Variants in YEATS2 observed in about 807,000 individuals in gnomAD.
YEATS2 encodes the protein YEATS domain containing 2, also known as YEATS domain-containing protein 2.
Under a neutral mutation model 163.2 loss-of-function variants are expected in YEATS2, and 77 were observed. That is an observed-to-expected ratio of 0.47 (90% confidence interval 0.39 to 0.57). YEATS2 has a LOEUF of 0.57. Ranked by LOEUF, YEATS2 falls within the 20% of genes least tolerant of loss-of-function variation. The pLI, the probability that YEATS2 is intolerant of heterozygous loss-of-function variation, is 0.00. For synonymous variants in YEATS2, 631 were observed against 645.1 expected (o/e 0.98, Z 0.33); for missense variants, 1,549 against 1,729.8 (o/e 0.90, Z 1.85).
intron 8 of YEATS2, among the ~76,000 whole-genome samples, chr3:183,742,350 G>A (rs2109212861): frequency 6.6e-6 from 1 of 152,304 alleles, no homozygotes; most frequent in East Asian, 1.9e-4. Flanking sequence ...AGATGCCATT[G>A]AGAACATTTG....
chr3:183,730,960 A>G (rs1205242622), intron 7 of YEATS2, among the ~76,000 whole-genome samples: 1 of 152,164 alleles, frequency 6.6e-6, no homozygotes, highest in African/African-American at 2.4e-5. Flanking sequence ...GTGAAGTCAA[A>G]GAATAGTTGG....
At chr3:183,723,509 C>T (rs79815795) in intron 5 of YEATS2, among the ~76,000 whole-genome samples, 30 of 152,078 alleles carry the variant, frequency 2.0e-4, no homozygotes, top group African/African-American at 6.5e-4. Flanking sequence ...AAAGTTCATT[C>T]GTGAGGCTGC....
At chr3:183,700,265 A>G (rs1484356632) in intron 1 of YEATS2, among the ~76,000 whole-genome samples, 3 of 152,124 alleles carry the variant, frequency 2.0e-5, no homozygotes, top group African/African-American at 7.2e-5. Context: ...ACTGTGGGTT[A>G]TTTTTTATTA....
At chr3:183,781,341 G>A (rs910052268) in intron 19 of YEATS2, among the ~76,000 whole-genome samples, 5 of 152,180 alleles carry the variant, frequency 3.3e-5, no homozygotes, top group Non-Finnish European at 7.3e-5. Context: ...ATGTCTAAGG[G>A]TAGGAGAAGA....
intron 21 of YEATS2, among the ~76,000 whole-genome samples, chr3:183,795,455 ATTTTTTTTT>A (rs573338439): frequency 3.5e-4 from 28 of 79,936 alleles, no homozygotes; most frequent in African/African-American, 8.2e-4. Context: ...CACGGGACTA[ATTTTTTTTT>A]TTTTTTTTTT....
chr3:183,718,325 A>T (rs780590089), intron 3 of YEATS2, among the ~76,000 whole-genome samples, 175 bp from the exon 4 acceptor site: 2 of 152,178 alleles, frequency 1.3e-5, no homozygotes, highest in Non-Finnish European at 2.9e-5. Flanking sequence ...TCTTTCTCTT[A>T]AATCTTTGCG....
At chr3:183,734,806 A>G (rs1718170879) in intron 7 of YEATS2, among the ~76,000 whole-genome samples, 1 of 152,174 alleles carries the variant, frequency 6.6e-6, no homozygotes, top group Non-Finnish European at 1.5e-5. Flanking sequence ...TGTGTTTCTA[A>G]TAAAGCCATT....
At chr3:183,731,810 G>C (rs767755485) in intron 7 of YEATS2, among the ~76,000 whole-genome samples, 1 of 152,184 alleles carries the variant, frequency 6.6e-6, no homozygotes, top group Non-Finnish European at 1.5e-5. Context: ...AGCCTGATCT[G>C]TGCCACTCTG....
At chr3:183,809,595 A>C (rs1726587083) in intron 30 of YEATS2, 1 of 158,954 alleles carries the variant, frequency 6.3e-6, no homozygotes, top group Non-Finnish European at 1.4e-5. Flanking sequence ...AATTTTACCC[A>C]GCTTACCCAG....
chr3:183,777,117 G>T (rs1012585165), intron 18 of YEATS2, among the ~76,000 whole-genome samples: 3 of 152,212 alleles, frequency 2.0e-5, no homozygotes, highest in Non-Finnish European at 4.4e-5. Flanking sequence ...ATGGTATCAA[G>T]TTGTAATATT....
intron 29 of YEATS2, among the ~76,000 whole-genome samples, chr3:183,808,391 A>G (rs934525923): frequency 6.6e-6 from 1 of 152,054 alleles, no homozygotes. Context: ...GACAAAGCCT[A>G]TGGTTTTCTG....
At chr3:183,798,225 T>G (rs1225253222) in intron 22 of YEATS2, among the ~76,000 whole-genome samples, 174 bp downstream of exon 22, 1 of 150,484 alleles carries the variant, frequency 6.6e-6, no homozygotes, top group Admixed American at 6.6e-5. Flanking sequence ...CCTTGAATGC[T>G]AGGGCACCAA....
In YEATS2 at chr3:183,754,328, C is replaced by T; in HGVS notation, c.1353C>T (p.Ser451=). ...CTAATCCTGAGTCACCTGGAAAATC[C>T]TTCCAGCCCATCACCATGAGCTGCA... ...QVPNPESPGK[S]FQPITMSCKI... is the part of the protein sequence containing the mutation. Residue 451 remains serine (S), a synonymous_variant, in exon 11 of 31, where the codon TCC becomes TCT. Coordinates refer to ENST00000305135, the MANE Select transcript of YEATS2 (RefSeq NM_018023.5). 3.1e-6 allele frequency: 5 copies of T among 1,613,980 alleles called. 1 individual carries two copies. In the South Asian group the frequency reaches 4.4e-5, roughly 14 times the overall value.
Position 183,807,031 on chromosome 3 carries a change from A to C in YEATS2, c.3950A>C (p.Glu1317Ala). 6.2e-7 allele frequency: 1 copy of C among 1,614,192 alleles called. No homozygotes were observed. Among genetic ancestry groups the C allele is most frequent in the Non-Finnish European group, 8.5e-7 (1 of 1,180,034 alleles). ...IKKEQEEKQEEVKFYLPPTPG... is the reference protein window; with the variant it reads ...IKKEQEEKQEAVKFYLPPTPG... ...AAGGAGCAGGAAGAGAAACAAGAGG[A>C]AGTCAAGTTCTACCTGCCACCAACC... Residue 1317 changes from glutamate (E) to alanine (A), a missense_variant, in exon 28 of 31, where the codon GAA becomes GCA. Coordinates refer to ENST00000305135, the MANE Select transcript of YEATS2 (RefSeq NM_018023.5).
chr3:183,790,287 G>T (rs1724484837), intron 20 of YEATS2, among the ~76,000 whole-genome samples: 1 of 152,178 alleles, frequency 6.6e-6, no homozygotes, highest in African/African-American at 2.4e-5. Context: ...GCTTGCCGTA[G>T]CATCATTATA....
intron 29 of YEATS2, 111 bp downstream of exon 29, chr3:183,808,215 G>A (rs895653599): frequency 1.1e-5 from 9 of 854,878 alleles, no homozygotes; most frequent in East Asian, 2.9e-5. Context: ...AAAATGTCTC[G>A]TCTTATTTGG....
chr3:183,793,481 T>C (rs1724849945), intron 21 of YEATS2: 1 of 909,868 alleles, frequency 1.1e-6, no homozygotes, highest in African/African-American at 3.6e-5. Flanking sequence ...GGAATTATTA[T>C]AATAATGAAT....
intron 5 of YEATS2, 68 bp downstream of exon 5, chr3:183,722,204 T>C (rs1716573731): frequency 6.6e-7 from 1 of 1,518,246 alleles, no homozygotes. Context: ...AAGTATGCGC[T>C]TGTTATCTCA....
chr3:183,803,059 G>A lies in YEATS2; in HGVS notation c.3503-197G>A, dbSNP rs1725842239. ...AGCAAAGTGCCCAGGAAGGTGTGTT[G>A]CTTTGAGTACACACGGCAAGACACC... On this transcript the variant is annotated intron_variant, in intron 25 of 30. Coordinates refer to ENST00000305135, the MANE Select transcript of YEATS2 (RefSeq NM_018023.5). 6 of 596,904 alleles carry A rather than the reference G, an allele frequency of 1.0e-5. No individual in the cohort carries two copies. The Admixed American group carries it at 1.2e-4, about 12-fold the overall frequency. 37.0% of individuals were successfully genotyped at this position (596,904 alleles called of 1,614,324 possible).
Sources: allele counts gnomAD v4.1 joint callset (sites outside exome capture counted in the v4.1 genomes callset), GRCh38; gene constraint gnomAD v4.1.1; transcripts MANE v1.5; gene names NCBI Gene and HGNC (gene_info 2026-07-23, HGNC 2026-07-21).